Variants in ITGA2 observed in about 807,000 individuals in gnomAD.
The protein encoded by ITGA2 is integrin subunit alpha 2, also known as integrin alpha-2.
Under a neutral mutation model 146.3 loss-of-function variants are expected in ITGA2, and 101 were observed. The observed-to-expected ratio is 0.69, with a 90% confidence interval of 0.59 to 0.81. ITGA2 has a LOEUF of 0.81. Among genes scored for constraint, ITGA2 ranks in the 40% least tolerant of loss-of-function variants. ITGA2 has a pLI of 0.00. For synonymous variants in ITGA2, 477 were observed against 487.1 expected (o/e 0.98, Z 0.27); for missense variants, 1,281 against 1,402.7 (o/e 0.91, Z 1.39).
intron 16 of ITGA2, among the ~76,000 whole-genome samples, 189 bp from the exon 17 acceptor site, chr5:53,069,920 C>CGTCA (rs1745312075): frequency 6.6e-6 from 1 of 151,838 alleles, no homozygotes; most frequent in African/African-American, 2.4e-5. Flanking sequence ...CAGTCACCTA[C>CGTCA]GTCACATCAG....
At chr5:52,999,086 A>C (rs963647888) in intron 1 of ITGA2, among the ~76,000 whole-genome samples, 1 of 152,222 alleles carries the variant, frequency 6.6e-6, no homozygotes, top group African/African-American at 2.4e-5. Flanking sequence ...TGAAAGTATT[A>C]GGACAGTACA....
chr5:53,077,944 C>A (rs1745736396), intron 23 of ITGA2, among the ~76,000 whole-genome samples: 1 of 152,060 alleles, frequency 6.6e-6, no homozygotes. Context: ...CCTACCCTCA[C>A]TGCTCATCCC....
chr5:53,075,005 C>A, intron 21 of ITGA2, 56 bp from the exon 22 acceptor site: 2 of 1,119,194 alleles, frequency 1.8e-6, no homozygotes, highest in Non-Finnish European at 2.7e-6. Flanking sequence ...TTTTTTTTCA[C>A]GTTGGCCTCT....
In ITGA2 at chr5:52,989,399, C is replaced by G; in HGVS notation, c.-70C>G. 6.5e-7 allele frequency: 1 copy of G among 1,526,974 alleles called. No homozygotes were observed. Among genetic ancestry groups the G allele is most frequent in the Non-Finnish European group, 9.1e-7 (1 of 1,100,686 alleles). 94.6% of individuals were successfully genotyped at this position (1,526,974 alleles called of 1,614,324 possible). A position where few individuals can be genotyped will look rare whatever the true frequency, so the allele number is the denominator to read the frequency against. Reference sequence around the variant, plus strand: ...CTAGAGTGTGCAGGTTCTCGTATCCCTCGGCCAAGGGTATCCTCTGCAAAC... The same window carrying G: ...CTAGAGTGTGCAGGTTCTCGTATCCGTCGGCCAAGGGTATCCTCTGCAAAC... On this transcript the variant is annotated 5_prime_UTR_variant, in exon 1 of 30. Transcript: ENST00000296585.
intron 4 of ITGA2, 111 bp from the exon 5 acceptor site, chr5:53,048,252 T>G: frequency 1.2e-6 from 1 of 839,284 alleles, no homozygotes; most frequent in Admixed American, 1.9e-5. Flanking sequence ...GAGTTGACAA[T>G]TATTAGTATC....
chr5:53,032,706 T>A (rs1425694608), intron 2 of ITGA2, among the ~76,000 whole-genome samples: 3 of 152,188 alleles, frequency 2.0e-5, no homozygotes, highest in Non-Finnish European at 4.4e-5. Context: ...AAAAATTCTG[T>A]TAGAGAATTT....
At chr5:53,081,266 A>C (rs983411142) in intron 25 of ITGA2, among the ~76,000 whole-genome samples, 1 of 152,192 alleles carries the variant, frequency 6.6e-6, no homozygotes, top group African/African-American at 2.4e-5. Flanking sequence ...TGTAGTGTGC[A>C]TAGGAGGCTA....
At chr5:53,006,131 G>A (rs917545933) in intron 1 of ITGA2, among the ~76,000 whole-genome samples, 2 of 152,020 alleles carry the variant, frequency 1.3e-5, no homozygotes, top group African/African-American at 4.8e-5. Context: ...CCTAGGTGAT[G>A]GATTGATAGG....
intron 25 of ITGA2, 129 bp from the exon 26 acceptor site, chr5:53,081,463 T>C (rs899691650): frequency 1.4e-6 from 1 of 725,700 alleles, no homozygotes; most frequent in Non-Finnish European, 2.5e-6. Flanking sequence ...GCCAGGTCAG[T>C]GGCGTTGAAA....
At chr5:53,077,649 T>C (rs1745722059) in intron 23 of ITGA2, among the ~76,000 whole-genome samples, 2 of 152,070 alleles carry the variant, frequency 1.3e-5, no homozygotes, top group African/African-American at 4.8e-5. Context: ...TAGTCAGTTT[T>C]CCCATTTTCC....
At chr5:53,035,527 G>A (rs1192338977) in intron 2 of ITGA2, among the ~76,000 whole-genome samples, 1 of 152,210 alleles carries the variant, frequency 6.6e-6, no homozygotes, top group Non-Finnish European at 1.5e-5. Context: ...GCAGCATAAT[G>A]AGGCCTAAAT....
chr5:52,990,927 T>C (rs570480678), intron 1 of ITGA2, among the ~76,000 whole-genome samples: 5 of 152,300 alleles, frequency 3.3e-5, no homozygotes, highest in African/African-American at 1.2e-4. Context: ...AATAGAAATA[T>C]AAACCCAAGC....
chr5:53,022,749 A>G (rs910013305), intron 1 of ITGA2, among the ~76,000 whole-genome samples: 4 of 152,122 alleles, frequency 2.6e-5, no homozygotes, highest in African/African-American at 9.7e-5. Context: ...TATTTTTTGT[A>G]GAGATGAGGT....
intron 23 of ITGA2, 129 bp from the exon 24 acceptor site, chr5:53,078,643 T>C: frequency 7.6e-6 from 5 of 658,102 alleles, no homozygotes; most frequent in South Asian, 6.9e-5. Context: ...TTCTTTTTAT[T>C]TGGTGCTTTT....
intron 12 of ITGA2, 26 bp from the exon 13 acceptor site, chr5:53,062,760 A>T: frequency 6.2e-7 from 1 of 1,606,746 alleles, no homozygotes; most frequent in South Asian, 1.1e-5. Context: ...TAGGAATTCT[A>T]AGTTTAACAT....
intron 1 of ITGA2, among the ~76,000 whole-genome samples, chr5:52,989,826 A>ACACG (rs1307491899): frequency 6.9e-6 from 1 of 144,014 alleles, no homozygotes; most frequent in African/African-American, 2.5e-5. Flanking sequence ...ACACACACAC[A>ACACG]CACACACACA....
chr5:53,013,380 T>TA (rs1742238566), intron 1 of ITGA2, among the ~76,000 whole-genome samples: 1 of 151,978 alleles, frequency 6.6e-6, no homozygotes, highest in African/African-American at 2.4e-5. Context: ...CTTTCTTTTT[T>TA]TTTTTTTGTC....
intron 1 of ITGA2, among the ~76,000 whole-genome samples, chr5:53,022,626 G>A (rs919605574): frequency 1.3e-5 from 2 of 152,052 alleles, no homozygotes; most frequent in African/African-American, 4.8e-5. Flanking sequence ...CAGTGCAGTG[G>A]TGCCATCATG....
chr5:53,087,548 A>C (rs1746219026), intron 28 of ITGA2, among the ~76,000 whole-genome samples: 1 of 152,084 alleles, frequency 6.6e-6, no homozygotes, highest in African/African-American at 2.4e-5. Context: ...TTCTCCTTAC[A>C]ACTAGACACT....
Sources: allele counts gnomAD v4.1 joint callset (sites outside exome capture counted in the v4.1 genomes callset), GRCh38; gene constraint gnomAD v4.1.1; transcripts MANE v1.5; gene names NCBI Gene and HGNC (gene_info 2026-07-23, HGNC 2026-07-21).